CKAP5: variants seen among roughly 807,000 people sequenced by gnomAD.
The protein encoded by CKAP5 is cytoskeleton-associated protein 5.
Under a neutral mutation model 232.8 loss-of-function variants are expected in CKAP5, and 27 were observed. That is an observed-to-expected ratio of 0.12 (90% confidence interval 0.09 to 0.16). The LOEUF is 0.16. Ranked by LOEUF, CKAP5 falls within the 10% of genes least tolerant of loss-of-function variation. The pLI is 1.00. For synonymous variants in CKAP5, 785 were observed against 841.1 expected, an observed-to-expected ratio of 0.93 and a Z score of 1.16; for missense variants, 1,838 against 2,424.7, an observed-to-expected ratio of 0.76 and a Z score of 5.08.
rs767240372 is a variant in CKAP5 at position 46,788,781 on chromosome 11, T to C, written c.1876-8A>G. Reference sequence around the variant, plus strand: ...GTCCATTAGCTCAACAGCCTTGAAGTAAAATAAGAGAATAAGAGTTTAAGG... The same window carrying C: ...GTCCATTAGCTCAACAGCCTTGAAGCAAAATAAGAGAATAAGAGTTTAAGG... On this transcript the variant is annotated splice_polypyrimidine_tract_variant and splice_region_variant and intron_variant, in intron 15 of 43. Transcript: ENST00000529230. 14 of 1,588,726 alleles carry C rather than the reference T, an allele frequency of 8.8e-6. No homozygotes were observed. Among genetic ancestry groups the C allele is most frequent in the Non-Finnish European group, 1.2e-5 (14 of 1,163,720 alleles).
chr11:46,753,976 ATCGGTGTGCT>A (rs2065090608), intron 36 of CKAP5, among the ~76,000 whole-genome samples: 1 of 151,824 alleles, frequency 6.6e-6, no homozygotes, highest in South Asian at 2.1e-4. Context: ...GGCAAAATTA[ATCGGTGTGCT>A]TCTAATTGTG....
intron 7 of CKAP5, 44 bp from the exon 8 acceptor site, chr11:46,808,188 G>A (rs1939199094): frequency 2.3e-6 from 3 of 1,284,006 alleles, no homozygotes; most frequent in Non-Finnish European, 3.4e-6. Context: ...AAATAAGAGA[G>A]CGGAATAAAA....
chr11:46,757,212 C>T (rs2065116864), intron 35 of CKAP5, among the ~76,000 whole-genome samples: 1 of 151,830 alleles, frequency 6.6e-6, no homozygotes, highest in South Asian at 2.1e-4. Flanking sequence ...CCTTTTATCA[C>T]CCTGACGCAG....
intron 11 of CKAP5, 126 bp from the exon 12 acceptor site, chr11:46,797,066 C>T: frequency 3.8e-6 from 4 of 1,049,194 alleles, no homozygotes; most frequent in Non-Finnish European, 5.5e-6. Flanking sequence ...CTAAGTATAG[C>T]TTTCCTTGTG....
At chr11:46,773,170 T>C (rs1168315868) in intron 24 of CKAP5, among the ~76,000 whole-genome samples, 1 of 152,222 alleles carries the variant, frequency 6.6e-6, no homozygotes, top group Non-Finnish European at 1.5e-5. Flanking sequence ...ATATGTCAAA[T>C]GCCTTTTTTG....
chr11:46,759,103 G>C, intron 34 of CKAP5, 60 bp from the exon 35 acceptor site: 1 of 1,586,768 alleles, frequency 6.3e-7, no homozygotes, highest in South Asian at 1.2e-5. Context: ...CAGTCAGTTG[G>C]AGTTATACAA....
chr11:46,751,825 C>T (rs920199700), intron 38 of CKAP5, among the ~76,000 whole-genome samples: 1 of 152,086 alleles, frequency 6.6e-6, no homozygotes, highest in Non-Finnish European at 1.5e-5. Context: ...TCTTGGGTTT[C>T]CTTCGTTCCT....
At chr11:46,815,482 G>T (rs1939377235) in intron 4 of CKAP5, among the ~76,000 whole-genome samples, 1 of 151,864 alleles carries the variant, frequency 6.6e-6, no homozygotes. Flanking sequence ...TCTTTATAGT[G>T]GCAGGGGTCT....
chr11:46,756,685 G>A (rs1341263440), intron 35 of CKAP5, among the ~76,000 whole-genome samples: 3 of 151,810 alleles, frequency 2.0e-5, no homozygotes, highest in Admixed American at 6.6e-5. Flanking sequence ...GCATTTACCT[G>A]TCATGTCTCT....
chr11:46,783,207 T>C (rs1317707185), intron 18 of CKAP5, 67 bp downstream of exon 18: 1 of 908,460 alleles, frequency 1.1e-6, no homozygotes, highest in East Asian at 2.5e-5. Flanking sequence ...GCTATTATTA[T>C]AAACAGCACG....
At chr11:46,756,676 C>T (rs1229251608) in intron 35 of CKAP5, among the ~76,000 whole-genome samples, 1 of 152,094 alleles carries the variant, frequency 6.6e-6, no homozygotes, top group East Asian at 1.9e-4. Context: ...TCATGCACTG[C>T]ATTTACCTGT....
At chr11:46,803,939 T>C (rs1426064710) in intron 8 of CKAP5, among the ~76,000 whole-genome samples, 1 of 152,240 alleles carries the variant, frequency 6.6e-6, no homozygotes, top group Non-Finnish European at 1.5e-5. Context: ...ATATATATTC[T>C]AGGAATGGAC....
chr11:46,824,143 C>T (rs1039598300), intron 1 of CKAP5, among the ~76,000 whole-genome samples: 3 of 152,170 alleles, frequency 2.0e-5, no homozygotes, highest in Admixed American at 1.3e-4. Flanking sequence ...ATAGTCTATG[C>T]TTCTTCCTTT....
At chr11:46,788,525 G>A (rs1365664970) in intron 16 of CKAP5, among the ~76,000 whole-genome samples, 156 bp downstream of exon 16, 1 of 152,076 alleles carries the variant, frequency 6.6e-6, no homozygotes, top group Non-Finnish European at 1.5e-5. Flanking sequence ...GGTGAGCCAA[G>A]GTCGTGCCAT....
chr11:46,770,683 C>A (rs991672786), intron 25 of CKAP5, 105 bp downstream of exon 25: 70 of 1,011,802 alleles, frequency 6.9e-5, no homozygotes, highest in Non-Finnish European at 9.6e-5. Flanking sequence ...CCTGTCTCGG[C>A]CTCCCAAAGT....
At chr11:46,808,006 C>T (rs1939194788) in intron 8 of CKAP5, 25 bp downstream of exon 8, 1 of 1,513,738 alleles carries the variant, frequency 6.6e-7, no homozygotes. Context: ...GTTACAATAC[C>T]AGTACTGCAA....
intron 1 of CKAP5, among the ~76,000 whole-genome samples, chr11:46,837,279 T>G (rs1368686901): frequency 6.6e-6 from 1 of 152,156 alleles, no homozygotes; most frequent in Non-Finnish European, 1.5e-5. Flanking sequence ...GAATGATCTA[T>G]GTGATAATGG....
At chr11:46,807,063 T>C (rs1939172217) in intron 8 of CKAP5, among the ~76,000 whole-genome samples, 2 of 152,146 alleles carry the variant, frequency 1.3e-5, no homozygotes, top group Admixed American at 1.3e-4. Context: ...AGGGAGAAAA[T>C]ATATGCGTTA....
chr11:46,788,889 A>G (rs1339187459), intron 15 of CKAP5, 116 bp from the exon 16 acceptor site: 3 of 719,502 alleles, frequency 4.2e-6, no homozygotes, highest in African/African-American at 3.6e-5. Flanking sequence ...AATAGAACTG[A>G]GGAGGGTTAT....
Sources: allele counts gnomAD v4.1 joint callset (sites outside exome capture counted in the v4.1 genomes callset), GRCh38; gene constraint gnomAD v4.1.1; transcripts MANE v1.5; gene names NCBI Gene and HGNC (gene_info 2026-07-23, HGNC 2026-07-21).